Variants in GABPB1 observed in about 807,000 individuals in gnomAD.
GABPB1 encodes the protein GA binding protein transcription factor subunit beta 1.
Under a neutral mutation model 45.9 loss-of-function variants are expected in GABPB1, and 15 were observed. The observed-to-expected ratio is 0.33, with a 90% CI of 0.22 to 0.50. The LOEUF is 0.50. Ranked by LOEUF, GABPB1 falls within the 20% of genes least tolerant of loss-of-function variation. The probability of loss-of-function intolerance (pLI) is 0.98; values close to 1 mark genes in which losing one functional copy is unlikely to be tolerated. For synonymous variants in GABPB1, 143 were observed against 154.4 expected (o/e 0.93, Z 0.55); for missense variants, 252 against 457.5 (o/e 0.55, Z 4.10).
intron 2 of GABPB1, 63 bp from the exon 3 acceptor site, chr15:50,304,196 T>C (rs956986032): frequency 1.7e-5 from 23 of 1,340,770 alleles, no homozygotes; most frequent in African/African-American, 8.9e-5. Context: ...TCTGTTTATA[T>C]AGTAAACAGA....
chr15:50,350,086 C>A (rs1257355868), intron 1 of GABPB1: 2 of 151,950 alleles, frequency 1.3e-5, no homozygotes, highest in African/African-American at 4.8e-5. Context: ...AAGGCAGTAC[C>A]CCACTGTAGG....
In GABPB1 at chr15:50,300,600, C is replaced by T. The variant is rs917384976; in HGVS notation, c.697+189G>A. On this transcript the variant is annotated intron_variant, in intron 6 of 8. Transcript: ENST00000380877. ...TGGGATTACAGGCCATGTGCCACCA[C>T]GCCTGGCTAATTTTCTGTATTTTTA... Among the ~76,000 whole-genome samples, 5 of 151,860 alleles carry T rather than the reference C, an allele frequency of 3.3e-5. No individual in the cohort carries two copies. The South Asian group carries it at 8.4e-4, about 25-fold the overall frequency.
At chr15:50,309,911 G>A (rs1260046838) in intron 1 of GABPB1, 113 bp from the exon 2 acceptor site, 11 of 640,966 alleles carry the variant, frequency 1.7e-5, no homozygotes, top group Middle Eastern at 2.6e-4. Flanking sequence ...CCCTTCAAAA[G>A]AGTGTGCTAT....
intron 7 of GABPB1, among the ~76,000 whole-genome samples, chr15:50,287,374 C>A (rs759476673): frequency 8.2e-4 from 125 of 152,294 alleles, no homozygotes; most frequent in Non-Finnish European, 1.4e-3. Flanking sequence ...CACTCCCACT[C>A]CCCAAATTCA....
chr15:50,317,890 C>A (rs77847432), intron 1 of GABPB1, among the ~76,000 whole-genome samples: 45,519 of 144,714 alleles, frequency 0.31, 7,869 homozygotes, highest in Middle Eastern at 0.45. Context: ...GCCTGGGCGA[C>A]AGAGCAAGAC....
intron 1 of GABPB1, among the ~76,000 whole-genome samples, chr15:50,347,712 G>A (rs936712379): frequency 2.6e-5 from 4 of 152,078 alleles, no homozygotes; most frequent in South Asian, 2.1e-4. Flanking sequence ...CACAGAATGG[G>A]TGCATTAAAG....
intron 1 of GABPB1, among the ~76,000 whole-genome samples, chr15:50,317,381 G>A (rs1282652970): frequency 2.1e-5 from 3 of 141,250 alleles, no homozygotes; most frequent in African/African-American, 8.0e-5. Context: ...TCCAGCCTGG[G>A]CAACAAGAGC....
At chr15:50,334,996 C>T (rs1595826332) in intron 1 of GABPB1, among the ~76,000 whole-genome samples, 1 of 152,120 alleles carries the variant, frequency 6.6e-6, no homozygotes, top group African/African-American at 2.4e-5. Context: ...GTGCTGATTA[C>T]TGTCCTTAAA....
At chr15:50,286,357 C>T (rs1279010558) in intron 7 of GABPB1, among the ~76,000 whole-genome samples, 174 bp from the exon 8 acceptor site, 1 of 151,374 alleles carries the variant, frequency 6.6e-6, no homozygotes, top group Non-Finnish European at 1.5e-5. Flanking sequence ...TTTTTATTAC[C>T]TTCTTGCTTT....
At chr15:50,346,113 C>A (rs1435919767) in intron 1 of GABPB1, among the ~76,000 whole-genome samples, 1 of 151,874 alleles carries the variant, frequency 6.6e-6, no homozygotes, top group Non-Finnish European at 1.5e-5. Context: ...ATTCTTCTTC[C>A]GTTCAATTTA....
intron 1 of GABPB1, among the ~76,000 whole-genome samples, chr15:50,328,168 A>T (rs2047834727): frequency 6.6e-6 from 1 of 151,986 alleles, no homozygotes; most frequent in Non-Finnish European, 1.5e-5. Context: ...TTGATTATAC[A>T]CATACCTATA....
rs765104625 is a variant in GABPB1, at chr15:50,301,344, T to A, written c.496A>T (p.Thr166Ser). ...ACAGTGTCAGGACTCTCTGGGTTTG[T>A]GTTGATTTGGTTCTGCATAGCAATC... Reference protein sequence around the residue: ...LQIAMQNQINTNPESPDTVTI... With the variant: ...LQIAMQNQINSNPESPDTVTI... Residue 166 changes from threonine to serine, a missense_variant, in exon 5 of 9, where the codon ACA becomes TCA. Thr to Ser is a moderately conservative substitution (Grantham distance 58). Around this residue, in one of 4 missense-constraint regions of GABPB1, gnomAD observed 193 missense variants for 259.9 expected, o/e 0.74. Coordinates refer to ENST00000380877, the MANE Select transcript of GABPB1 (RefSeq NM_016654.5). 1 of 1,613,466 alleles carries A rather than the reference T, an allele frequency of 6.2e-7. No individual in the cohort carries two copies. The highest frequency in any genetic ancestry group is 1.1e-5 in the South Asian group (1 of 90,952).
chr15:50,281,493 G>A (rs909139402), intron 8 of GABPB1, among the ~76,000 whole-genome samples: 1 of 152,226 alleles, frequency 6.6e-6, no homozygotes, highest in Non-Finnish European at 1.5e-5. Context: ...TTACAGGCGT[G>A]AGCCACTGCG....
chr15:50,302,835 C>T lies in GABPB1; in HGVS notation c.471+94G>A. On this transcript the variant is annotated intron_variant, in intron 4 of 8. Transcript: ENST00000380877. Reference sequence around the variant, plus strand: ...TAACTAAGTCCAAAATGAAAGGCTACAAACAATAGTTTAAATCATGCACAA... The same window carrying T: ...TAACTAAGTCCAAAATGAAAGGCTATAAACAATAGTTTAAATCATGCACAA... 7 of 837,960 alleles carry T rather than the reference C, an allele frequency of 8.4e-6. No homozygotes were observed. In the South Asian group the frequency reaches 1.2e-4, roughly 14 times the overall value. 51.9% of individuals were successfully genotyped at this position (837,960 alleles called of 1,614,324 possible).
chr15:50,341,425 C>T (rs749085278), intron 1 of GABPB1, among the ~76,000 whole-genome samples: 3 of 151,930 alleles, frequency 2.0e-5, no homozygotes, highest in South Asian at 2.1e-4. Flanking sequence ...CCAGCTACCC[C>T]GGGAGGCTGA....
At chr15:50,307,861 T>C (rs1441756698) in intron 2 of GABPB1, among the ~76,000 whole-genome samples, 1 of 152,208 alleles carries the variant, frequency 6.6e-6, no homozygotes, top group Non-Finnish European at 1.5e-5. Context: ...TTCTCAGCAA[T>C]TACCTCTTTG....
intron 4 of GABPB1, among the ~76,000 whole-genome samples, chr15:50,302,006 G>A (rs12910683): frequency 6.6e-6 from 1 of 152,178 alleles, no homozygotes; most frequent in Non-Finnish European, 1.5e-5. Flanking sequence ...GTAACTAGTG[G>A]AAGCTCAAAG....
intron 1 of GABPB1, among the ~76,000 whole-genome samples, chr15:50,324,604 G>A (rs1186999431): frequency 6.7e-6 from 1 of 150,176 alleles, no homozygotes; most frequent in African/African-American, 2.5e-5. Context: ...GAGTGCAGTG[G>A]GGCAATCTCG....
chr15:50,319,260 A>G (rs2047466357), intron 1 of GABPB1, among the ~76,000 whole-genome samples: 2 of 150,938 alleles, frequency 1.3e-5, no homozygotes, highest in South Asian at 2.1e-4. Context: ...ATGTGCACAT[A>G]TAATTTTTTC....
Sources: gnomAD v4.1 joint callset for allele counts (sites outside exome capture counted in the v4.1 genomes callset) on GRCh38, gnomAD v4.1.1 for gene constraint, gnomAD v4.1.1 regional missense constraint, MANE v1.5 for transcripts, NCBI Gene and HGNC (gene_info 2026-07-23, HGNC 2026-07-21) for gene names.